DCAF8L2: variants seen among roughly 807,000 people sequenced by gnomAD.
DCAF8L2 encodes the protein DDB1- and CUL4-associated factor 8-like protein 2.
For missense variants in DCAF8L2, 430 were observed against 490.7 expected (o/e 0.88, Z 1.17); for synonymous variants, 200 against 190.9 (o/e 1.05, Z -0.39).
At position 27,748,398 on chromosome X, in the gene DCAF8L2, C is replaced by G. The variant is rs1922388082; in HGVS notation, c.1503C>G (p.Ser501=). ...ACATCTTCTTCTGGGAGAAATCATC[C>G]TGCCAAATCATCCAGTTCCTAAAGG... is the stretch of plus-strand genomic sequence containing the variant. ...CGHIFFWEKS[S]CQIIQFLKGS... is the part of the protein sequence containing the mutation. Residue 501 remains serine (S), a synonymous_variant, in exon 5 of 5, where the codon TCC becomes TCG. Transcript: ENST00000451261. 1 of 1,200,069 alleles carries G rather than the reference C, an allele frequency of 8.3e-7. No homozygotes were observed.
chrX:27,650,029 C>A (rs1929092999), intron 2 of DCAF8L2, among the ~76,000 whole-genome samples: 1 of 111,433 alleles, frequency 9.0e-6, no homozygotes, highest in East Asian at 2.8e-4. Context: ...TGCCAGCTAT[C>A]TCAGCACCAT....
intron 4 of DCAF8L2, among the ~76,000 whole-genome samples, chrX:27,729,685 GGAGTTTCTTTTAAAA>G (rs755977281): frequency 1.6e-4 from 18 of 111,729 alleles, no homozygotes; most frequent in Middle Eastern, 4.6e-3. Flanking sequence ...TTAGCTTTCT[GGAGTTTCTTTTAAAA>G]GGGCACTAGT....
intron 2 of DCAF8L2, among the ~76,000 whole-genome samples, chrX:27,675,907 C>T (rs1334884163): frequency 8.9e-6 from 1 of 112,227 alleles, no homozygotes; most frequent in African/African-American, 3.2e-5. Flanking sequence ...GCACAGAAAG[C>T]AGAGTAATCC....
intron 2 of DCAF8L2, among the ~76,000 whole-genome samples, chrX:27,637,352 G>A (rs773477773): frequency 8.9e-6 from 1 of 111,789 alleles, no homozygotes; most frequent in Non-Finnish European, 1.9e-5. Flanking sequence ...TTGAGAAGTG[G>A]GTTTCTAACT....
the DCAF8L2 span, among the ~76,000 whole-genome samples, chrX:27,540,859 ATG>A: frequency 8.9e-6 from 1 of 112,134 alleles, no homozygotes; most frequent in Admixed American, 9.5e-5. Flanking sequence ...TACAATTATT[ATG>A]TGTTAATTAA....
chrX:27,599,857 AT>A (rs779423522), intron 1 of DCAF8L2, among the ~76,000 whole-genome samples: 1 of 112,367 alleles, frequency 8.9e-6, no homozygotes, highest in South Asian at 3.6e-4. Flanking sequence ...AACAATGAAA[AT>A]TGATAAAACA....
rs769087891 is a variant in DCAF8L2 at position 27,746,283 on chromosome X, T to G, written c.-58-555T>G. Among the ~76,000 whole-genome samples, 481 of 112,592 alleles carry G rather than the reference T, an allele frequency of 4.3e-3. 3 individuals carry two copies. The highest frequency in any genetic ancestry group is 0.015 in the African/African-American group (453 of 31,072). ...TATTCATCCTTTATCTGAAATGCAA[T>G]TAACTATGCATACCGTATTTTATCT... is the stretch of plus-strand genomic sequence containing the variant. On this transcript the variant is annotated intron_variant, in intron 4 of 4. Transcript: ENST00000451261.
At chrX:27,740,348 A>ATTAGAGC (rs774833381) in intron 4 of DCAF8L2, among the ~76,000 whole-genome samples, 107 of 112,055 alleles carry the variant, frequency 9.5e-4, no homozygotes, top group Non-Finnish European at 1.7e-3. Context: ...TCTCACCTGG[A>ATTAGAGC]TTAGAGCGAC....
chrX:27,593,851 C>T (rs2147110419), intron 1 of DCAF8L2, among the ~76,000 whole-genome samples: 1 of 111,760 alleles, frequency 8.9e-6, no homozygotes, highest in South Asian at 3.8e-4. Context: ...CTCCATCACT[C>T]ATGTTAATGG....
chrX:27,720,569 T>A (rs954098270), intron 4 of DCAF8L2, among the ~76,000 whole-genome samples: 2 of 110,790 alleles, frequency 1.8e-5, no homozygotes, highest in African/African-American at 3.3e-5. Flanking sequence ...GAGACGGGGT[T>A]TCACCTTGTT....
At chrX:27,678,434 A>G (rs1373305602) in intron 3 of DCAF8L2, among the ~76,000 whole-genome samples, 1 of 111,829 alleles carries the variant, frequency 8.9e-6, no homozygotes, top group African/African-American at 3.2e-5. Context: ...AACAACAAAA[A>G]TGTCTATCAA....
At chrX:27,701,587 G>A (rs778928539) in intron 3 of DCAF8L2, among the ~76,000 whole-genome samples, 2 of 111,142 alleles carry the variant, frequency 1.8e-5, no homozygotes, top group Non-Finnish European at 3.8e-5. Context: ...CAATAAACAT[G>A]TGGAAATTAA....
intron 2 of DCAF8L2, among the ~76,000 whole-genome samples, chrX:27,671,340 C>T (rs1211670272): frequency 8.9e-6 from 1 of 111,924 alleles, no homozygotes; most frequent in Non-Finnish European, 1.9e-5. Flanking sequence ...TATTCTGCCT[C>T]AAATAACTGC....
intron 4 of DCAF8L2, among the ~76,000 whole-genome samples, chrX:27,730,315 T>G (rs1921115194): frequency 8.9e-6 from 1 of 112,190 alleles, no homozygotes; most frequent in Non-Finnish European, 1.9e-5. Flanking sequence ...TAACATGAGA[T>G]CTACCCTTAA....
intron 4 of DCAF8L2, among the ~76,000 whole-genome samples, chrX:27,717,771 AT>A (rs763880276): frequency 8.9e-6 from 1 of 111,735 alleles, no homozygotes; most frequent in South Asian, 3.7e-4. Context: ...AAGATATATA[AT>A]GTTTTATTTC....
chrX:27,570,158 G>A, the DCAF8L2 span, among the ~76,000 whole-genome samples: 3 of 110,801 alleles, frequency 2.7e-5, no homozygotes, highest in African/African-American at 3.3e-5. Flanking sequence ...CTTGGTAGGG[G>A]AAGGGAACAT....
chrX:27,594,519 C>A (rs1342446591), intron 1 of DCAF8L2, among the ~76,000 whole-genome samples: 2 of 111,492 alleles, frequency 1.8e-5, no homozygotes, highest in African/African-American at 6.5e-5. Context: ...TTCTTCAGTG[C>A]ATACTATCAG....
At chrX:27,522,313 C>G in the DCAF8L2 span, among the ~76,000 whole-genome samples, 6 of 112,189 alleles carry the variant, frequency 5.3e-5, no homozygotes, top group South Asian at 1.8e-3. Flanking sequence ...AGGCGTGAGC[C>G]ACCGTGCCCG....
intron 3 of DCAF8L2, among the ~76,000 whole-genome samples, chrX:27,706,333 T>C (rs1361330339): frequency 9.0e-6 from 1 of 111,051 alleles, no homozygotes; most frequent in Non-Finnish European, 1.9e-5. Context: ...AAATACTTTT[T>C]TTTTCTAATT....
Sources: allele counts gnomAD v4.1 joint callset (sites outside exome capture counted in the v4.1 genomes callset), GRCh38; gene constraint gnomAD v4.1.1; transcripts MANE v1.5; gene names NCBI Gene and HGNC (gene_info 2026-07-23, HGNC 2026-07-21).